The following WWOX variants were observed in gnomAD, a reference collection of about 807,000 sequenced individuals.
The protein encoded by WWOX is WW domain-containing oxidoreductase.
A neutral mutation model predicts 46.2 loss-of-function variants in WWOX; 69 were observed. That is an observed-to-expected ratio of 1.49 (90% confidence interval 1.23 to 1.82). The LOEUF is 1.82. Ranked by LOEUF, WWOX falls within the 40% of genes most tolerant of loss-of-function variation. The probability of loss-of-function intolerance (pLI) is 0.00; values close to 1 mark genes in which losing one functional copy is unlikely to be tolerated. For synonymous variants in WWOX, 359 were observed against 202.6 expected, an observed-to-expected ratio of 1.77 and a Z score of -6.56; for missense variants, 919 against 542.6, an observed-to-expected ratio of 1.69 and a Z score of -6.89.
chr16:78,379,804 G>C (rs1400647995), intron 5 of WWOX, among the ~76,000 whole-genome samples: 1 of 152,126 alleles, frequency 6.6e-6, no homozygotes, highest in Admixed American at 6.5e-5. Context: ...TGAAAACTAG[G>C]TTTGATCACT....
intron 8 of WWOX, among the ~76,000 whole-genome samples, chr16:78,762,397 C>T (rs976513321): frequency 6.6e-6 from 1 of 152,186 alleles, no homozygotes; most frequent in South Asian, 2.1e-4. Context: ...CTTGGTGACT[C>T]GTGTGTACTT....
chr16:78,950,305 A>T (rs921870873), intron 8 of WWOX, among the ~76,000 whole-genome samples: 1 of 152,014 alleles, frequency 6.6e-6, no homozygotes, highest in African/African-American at 2.4e-5. Flanking sequence ...TAGTCAGTCG[A>T]TGGTTATTTC....
intron 8 of WWOX, among the ~76,000 whole-genome samples, chr16:78,860,968 G>A (rs1019633325): frequency 1.3e-5 from 2 of 152,020 alleles, no homozygotes; most frequent in African/African-American, 4.8e-5. Context: ...GGCGCATGCC[G>A]TAACTCGCAA....
chr16:78,926,605 G>T (rs73583235), intron 8 of WWOX, among the ~76,000 whole-genome samples: 11 of 152,050 alleles, frequency 7.2e-5, no homozygotes, highest in African/African-American at 2.7e-4. Flanking sequence ...ATGCGGGAGT[G>T]GTTTGTCAGT....
intron 8 of WWOX, among the ~76,000 whole-genome samples, chr16:78,722,182 G>A (rs1202257860): frequency 1.3e-5 from 2 of 152,154 alleles, no homozygotes; most frequent in African/African-American, 4.8e-5. Flanking sequence ...CTGTCCAGTA[G>A]AGGACACCAA....
chr16:78,206,786 A>T (rs926100433), intron 5 of WWOX, among the ~76,000 whole-genome samples: 1 of 152,182 alleles, frequency 6.6e-6, no homozygotes, highest in Non-Finnish European at 1.5e-5. Context: ...TAGATTAGTC[A>T]GACAACTGCA....
intron 8 of WWOX, among the ~76,000 whole-genome samples, chr16:78,447,608 C>G (rs570287128): frequency 6.6e-6 from 1 of 152,206 alleles, no homozygotes; most frequent in South Asian, 2.1e-4. Flanking sequence ...AAGGTAATGA[C>G]AACAAAAATT....
intron 8 of WWOX, among the ~76,000 whole-genome samples, chr16:78,913,598 T>C (rs1421955325): frequency 1.3e-5 from 2 of 151,776 alleles, no homozygotes. Flanking sequence ...ATGTGAGAAA[T>C]CTTTTACTGT....
intron 4 of WWOX, among the ~76,000 whole-genome samples, chr16:78,153,671 C>T (rs1459195682): frequency 6.6e-6 from 1 of 152,112 alleles, no homozygotes; most frequent in Non-Finnish European, 1.5e-5. Context: ...TTACAAGTAA[C>T]ATTTGTCCCC....
intron 8 of WWOX, among the ~76,000 whole-genome samples, chr16:79,084,130 A>C (rs2048812187): frequency 6.6e-6 from 1 of 152,190 alleles, no homozygotes; most frequent in African/African-American, 2.4e-5. Flanking sequence ...GAGCTGATTG[A>C]GGAGACCAAA....
chr16:78,156,319 A>G (rs1284449579), intron 4 of WWOX, among the ~76,000 whole-genome samples: 2 of 152,178 alleles, frequency 1.3e-5, no homozygotes, highest in African/African-American at 4.8e-5. Context: ...GGAAAATAAA[A>G]TTTGATAGAA....
intron 5 of WWOX, among the ~76,000 whole-genome samples, chr16:78,326,213 C>A (rs908804216): frequency 2.6e-5 from 4 of 152,166 alleles, no homozygotes; most frequent in African/African-American, 9.7e-5. Context: ...GTGGGGGAAC[C>A]TGAATTATGG....
chr16:79,014,219 G>T (rs991536119), intron 8 of WWOX, among the ~76,000 whole-genome samples: 1 of 152,186 alleles, frequency 6.6e-6, no homozygotes, highest in African/African-American at 2.4e-5. Context: ...TCCCGAGATG[G>T]TGGTCATGGG....
At chr16:78,419,223 T>C (rs1013480343) in intron 6 of WWOX, among the ~76,000 whole-genome samples, 4 of 152,166 alleles carry the variant, frequency 2.6e-5, no homozygotes, top group African/African-American at 9.6e-5. Flanking sequence ...CTGCAAATTG[T>C]GTACAAATTT....
chr16:78,941,110 C>G (rs13332148), intron 8 of WWOX, among the ~76,000 whole-genome samples: 4 of 151,910 alleles, frequency 2.6e-5, no homozygotes, highest in Non-Finnish European at 4.4e-5. Context: ...AAAGAATCCT[C>G]TTCTAGAAAG....
At chr16:78,633,001 G>A (rs1363337458) in intron 8 of WWOX, among the ~76,000 whole-genome samples, 1 of 152,116 alleles carries the variant, frequency 6.6e-6, no homozygotes, top group Non-Finnish European at 1.5e-5. Flanking sequence ...GGTGGCTCAT[G>A]CCTGTAATCC....
At chr16:78,449,628 T>C (rs1203870383) in intron 8 of WWOX, among the ~76,000 whole-genome samples, 2 of 152,218 alleles carry the variant, frequency 1.3e-5, no homozygotes, top group Non-Finnish European at 2.9e-5. Context: ...CTTCCCTCTT[T>C]CTGGACTGAG....
intron 8 of WWOX, among the ~76,000 whole-genome samples, chr16:78,481,769 G>GCA (rs1354500233): frequency 2.3e-4 from 35 of 151,138 alleles, no homozygotes; most frequent in African/African-American, 8.6e-4. Context: ...GTGTGTGCGC[G>GCA]CGCCTGCATG....
At chr16:78,174,115 G>C (rs759592998) in intron 5 of WWOX, among the ~76,000 whole-genome samples, 1 of 152,110 alleles carries the variant, frequency 6.6e-6, no homozygotes, top group Non-Finnish European at 1.5e-5. Context: ...AATTTTGGAG[G>C]GACACTGTAT....
Sources: gnomAD v4.1 joint callset for allele counts (sites outside exome capture counted in the v4.1 genomes callset) on GRCh38, gnomAD v4.1.1 for gene constraint, MANE v1.5 for transcripts, NCBI Gene and HGNC (gene_info 2026-07-23, HGNC 2026-07-21) for gene names.